The following DOK5 variants were observed in gnomAD, a reference collection of about 807,000 sequenced individuals.
DOK5 encodes docking protein 5, also known as downstream of tyrosine kinase 5.
A neutral mutation model predicts 43.3 loss-of-function variants in DOK5; 27 were observed. That is an observed-to-expected ratio of 0.62 (90% CI 0.46 to 0.86). DOK5 has a LOEUF of 0.86. Among genes scored for constraint, DOK5 ranks in the 40% least tolerant of loss-of-function variants. DOK5 has a pLI of 0.00. For synonymous variants in DOK5, 146 were observed against 140.1 expected (o/e 1.04, Z -0.30); for missense variants, 373 against 392.9 (o/e 0.95, Z 0.43).
chr20:54,639,398 G>C lies in DOK5; in HGVS notation c.736-4060G>C, dbSNP rs545852959. Among the ~76,000 whole-genome samples, 3 of 152,274 alleles carry C rather than the reference G, an allele frequency of 2.0e-5. No homozygotes were observed. The South Asian group carries it at 6.2e-4, about 32-fold the overall frequency. ...TAACCCCAAATCAACCTCCAGTCTA[G>C]CTGGGCTGTGCAAACTATCCCCCAA... On this transcript the variant is annotated intron_variant, in intron 6 of 7. Transcript: ENST00000262593.
At chr20:54,518,739 C>G (rs1027871396) in intron 1 of DOK5, among the ~76,000 whole-genome samples, 1 of 152,044 alleles carries the variant, frequency 6.6e-6, no homozygotes, top group African/African-American at 2.4e-5. Context: ...ACAGAACCAC[C>G]AACAAACTAC....
intron 1 of DOK5, among the ~76,000 whole-genome samples, chr20:54,493,321 C>T (rs1026708549): frequency 2.0e-5 from 3 of 152,102 alleles, no homozygotes; most frequent in African/African-American, 7.2e-5. Flanking sequence ...GTGCATGAGC[C>T]CAACACACCA....
chr20:54,616,778 T>TC (rs1286706652), intron 6 of DOK5, among the ~76,000 whole-genome samples: 5 of 116,914 alleles, frequency 4.3e-5, no homozygotes, highest in African/African-American at 1.0e-4. Context: ...TTCTTTTTTT[T>TC]TTTTTCTTTT....
chr20:54,592,954 GC>G, intron 5 of DOK5, among the ~76,000 whole-genome samples: 1 of 151,740 alleles, frequency 6.6e-6, no homozygotes, highest in Non-Finnish European at 1.5e-5. Flanking sequence ...AATAAAAATT[GC>G]TTGTAAAAGC....
Position 54,570,291 on chromosome 20 carries a change from A to T in DOK5, c.174+15251A>T, listed in dbSNP as rs145793421. On this transcript the variant is annotated intron_variant, in intron 2 of 7. Coordinates refer to ENST00000262593, the MANE Select transcript of DOK5 (RefSeq NM_018431.5). ...TACTAACACTTCAGAAACATTGTGG[A>T]CTCAGAAATGGATGGTTTTCATGTT... is the stretch of plus-strand genomic sequence containing the variant. 4.3e-3 allele frequency among the ~76,000 whole-genome samples: 656 copies of T among 152,352 alleles called. 2 individuals carry two copies. Among genetic ancestry groups the T allele is most frequent in the African/African-American group, 0.015 (639 of 41,586 alleles).
intron 1 of DOK5, among the ~76,000 whole-genome samples, chr20:54,531,998 T>C (rs540349345): frequency 1.4e-4 from 21 of 152,346 alleles, no homozygotes; most frequent in African/African-American, 4.8e-4. Context: ...AATTGATTTA[T>C]GCAGCAAGCA....
At chr20:54,499,940 A>G (rs1206718360) in intron 1 of DOK5, among the ~76,000 whole-genome samples, 2 of 152,178 alleles carry the variant, frequency 1.3e-5, no homozygotes, top group Non-Finnish European at 2.9e-5. Context: ...AATCTCTGCT[A>G]TATTGATGCA....
rs551128820 is a variant in DOK5 at position 54,492,530 on chromosome 20, C to T, written c.66+16518C>T. ...AGTGACATCCTTGGGTATACACTCA[C>T]GCATACATGATACTGTATTTCTAAG... On this transcript the variant is annotated intron_variant, in intron 1 of 7. Coordinates refer to ENST00000262593, the MANE Select transcript of DOK5 (RefSeq NM_018431.5). 2.8e-4 allele frequency among the ~76,000 whole-genome samples: 42 copies of T among 152,168 alleles called. No individual in the cohort carries two copies. In the South Asian group the frequency reaches 5.0e-3, roughly 18 times the overall value.
rs1305530214 is a variant in DOK5, at chr20:54,605,013, AT to A, written c.600-5374del. ...CAAGACTGTGTCTCAAAAAAAAAAA[AT>A]ATATATATATACACACACACACACA... On this transcript the variant is annotated intron_variant, in intron 5 of 7. Transcript: ENST00000262593. Among the ~76,000 whole-genome samples, 166 of 96,794 alleles carry A rather than the reference AT, an allele frequency of 1.7e-3. 1 individual carries two copies. The highest frequency in any genetic ancestry group is 8.2e-3 in the African/African-American group (142 of 17,258). 63.5% of individuals were successfully genotyped at this position (96,794 alleles called of 152,430 possible).
chr20:54,572,657 A>G (rs1026043052), intron 2 of DOK5, among the ~76,000 whole-genome samples: 1 of 152,202 alleles, frequency 6.6e-6, no homozygotes, highest in Non-Finnish European at 1.5e-5. Flanking sequence ...GGTTCTACAA[A>G]TGGCCCACAA....
intron 6 of DOK5, among the ~76,000 whole-genome samples, chr20:54,627,442 T>A (rs1332764187): frequency 6.6e-6 from 1 of 152,210 alleles, no homozygotes; most frequent in Non-Finnish European, 1.5e-5. Flanking sequence ...CATTTCATAA[T>A]GGCAGAAACT....
intron 1 of DOK5, among the ~76,000 whole-genome samples, chr20:54,500,312 A>G (rs889683018): frequency 1.3e-5 from 2 of 152,164 alleles, no homozygotes; most frequent in Non-Finnish European, 2.9e-5. Flanking sequence ...ATAATAAACT[A>G]AATTTGAACA....
chr20:54,592,036 T>C (rs1600722356), intron 5 of DOK5, among the ~76,000 whole-genome samples: 1 of 152,232 alleles, frequency 6.6e-6, no homozygotes, highest in African/African-American at 2.4e-5. Flanking sequence ...ACACACATGG[T>C]ACAAATTTTC....
rs181083900 is a variant in DOK5, at chr20:54,528,290, G to A, written c.67-26643G>A. On this transcript the variant is annotated intron_variant, in intron 1 of 7. Transcript: ENST00000262593. ...TATATCTCTATGGGAATTAGCTTTG[G>A]CTGCAGATACCCTCAAACTCAGAAT... Among the ~76,000 whole-genome samples, 186 of 152,194 alleles carry A rather than the reference G, an allele frequency of 1.2e-3. 1 individual carries two copies. Among genetic ancestry groups the A allele is most frequent in the African/African-American group, 4.3e-3 (177 of 41,530 alleles).
chr20:54,537,368 A>G (rs1390650460), intron 1 of DOK5, among the ~76,000 whole-genome samples: 1 of 152,222 alleles, frequency 6.6e-6, no homozygotes, highest in African/African-American at 2.4e-5. Context: ...CTCTCAAACA[A>G]TGAATGCCAA....
chr20:54,521,641 C>T (rs1025914910), intron 1 of DOK5, among the ~76,000 whole-genome samples: 4 of 152,194 alleles, frequency 2.6e-5, no homozygotes, highest in African/African-American at 7.2e-5. Flanking sequence ...CTCCCCAGAT[C>T]TTGTCATCTA....
chr20:54,522,116 CA>C (rs1485795032), intron 1 of DOK5, among the ~76,000 whole-genome samples: 1 of 152,128 alleles, frequency 6.6e-6, no homozygotes, highest in Non-Finnish European at 1.5e-5. Context: ...CACCACAGAC[CA>C]GGGGTGTCTG....
intron 1 of DOK5, among the ~76,000 whole-genome samples, chr20:54,507,012 A>G (rs989633838): frequency 6.6e-6 from 1 of 152,194 alleles, no homozygotes; most frequent in East Asian, 1.9e-4. Context: ...AGGAACATCA[A>G]CTTTATTTGG....
intron 1 of DOK5, among the ~76,000 whole-genome samples, chr20:54,498,183 GT>G (rs1982470499): frequency 6.6e-6 from 1 of 152,172 alleles, no homozygotes; most frequent in East Asian, 1.9e-4. Context: ...AGGAGAATTA[GT>G]GAGGCGGTGT....
Sources: allele counts gnomAD v4.1 joint callset (sites outside exome capture counted in the v4.1 genomes callset), GRCh38; gene constraint gnomAD v4.1.1; transcripts MANE v1.5; gene names NCBI Gene and HGNC (gene_info 2026-07-23, HGNC 2026-07-21).